WDFY2: variants seen among roughly 807,000 people sequenced by gnomAD.
WDFY2 encodes WD repeat and FYVE domain containing 2, also known as WD repeat and FYVE domain-containing protein 2.
In WDFY2, 36 loss-of-function variants were observed where a neutral mutation model predicts 56.4. The observed-to-expected ratio is 0.64, with a 90% CI of 0.49 to 0.84. The LOEUF (loss-of-function observed/expected upper bound fraction) is 0.84. WDFY2 is among the 40% of genes least tolerant of loss of function. The probability of loss-of-function intolerance (pLI) is 0.00; values close to 1 mark genes in which losing one functional copy is unlikely to be tolerated. For missense variants in WDFY2, 444 were observed against 512.2 expected, an observed-to-expected ratio of 0.87 and a Z score of 1.29; for synonymous variants, 176 against 183.7, an observed-to-expected ratio of 0.96 and a Z score of 0.34.
intron 7 of WDFY2, among the ~76,000 whole-genome samples, chr13:51,741,799 G>C (rs765972945): frequency 1.3e-5 from 2 of 152,178 alleles, no homozygotes; most frequent in Non-Finnish European, 2.9e-5. Context: ...TAAGACCCCA[G>C]CTGGTAGCTT....
chr13:51,661,497 T>G (rs1273348349), intron 2 of WDFY2, among the ~76,000 whole-genome samples: 1 of 152,240 alleles, frequency 6.6e-6, no homozygotes, highest in Non-Finnish European at 1.5e-5. Context: ...ACCTTCTGGC[T>G]TGCTGCAGTG....
intron 1 of WDFY2, among the ~76,000 whole-genome samples, chr13:51,648,244 C>G (rs1230480254): frequency 6.6e-6 from 1 of 152,152 alleles, no homozygotes; most frequent in Admixed American, 6.5e-5. Flanking sequence ...ATAGTTCCCT[C>G]CCATCATCTT....
At chr13:51,649,523 C>T (rs1955327933) in intron 1 of WDFY2, among the ~76,000 whole-genome samples, 2 of 151,614 alleles carry the variant, frequency 1.3e-5, no homozygotes, top group Admixed American at 6.6e-5. Flanking sequence ...GTGCTGCACC[C>T]GTTAACTCGT....
chr13:51,635,143 C>T (rs2138389181), intron 1 of WDFY2, among the ~76,000 whole-genome samples: 1 of 152,144 alleles, frequency 6.6e-6, no homozygotes. Context: ...AGGGTTTCAC[C>T]ATGTTGGCGA....
At chr13:51,708,956 C>A (rs1392916291) in intron 4 of WDFY2, among the ~76,000 whole-genome samples, 3 of 152,178 alleles carry the variant, frequency 2.0e-5, no homozygotes, top group Non-Finnish European at 4.4e-5. Flanking sequence ...AAGACCATAA[C>A]ACTCGTAAAT....
At chr13:51,591,940 T>A (rs1214985909) in intron 1 of WDFY2, 3 of 147,286 alleles carry the variant, frequency 2.0e-5, no homozygotes, top group African/African-American at 7.5e-5. Context: ...AGGAGATAAC[T>A]GTTCTAAAGC....
intron 1 of WDFY2, among the ~76,000 whole-genome samples, chr13:51,622,666 C>A (rs1002925848): frequency 3.9e-5 from 6 of 152,124 alleles, no homozygotes; most frequent in Non-Finnish European, 1.5e-5. Context: ...AACAGTATGC[C>A]TGGCATTATG....
At chr13:51,674,491 C>G (rs899379334) in intron 2 of WDFY2, among the ~76,000 whole-genome samples, 1 of 152,140 alleles carries the variant, frequency 6.6e-6, no homozygotes, top group African/African-American at 2.4e-5. Flanking sequence ...TCCTGCGGAA[C>G]AGGGAGAACC....
intron 1 of WDFY2, among the ~76,000 whole-genome samples, chr13:51,602,186 C>G (rs1188981160): frequency 6.6e-6 from 1 of 152,224 alleles, no homozygotes; most frequent in East Asian, 1.9e-4. Flanking sequence ...CAACAACAGA[C>G]TGCATGAATG....
At chr13:51,633,967 A>G (rs1162928416) in intron 1 of WDFY2, among the ~76,000 whole-genome samples, 1 of 152,158 alleles carries the variant, frequency 6.6e-6, no homozygotes, top group Non-Finnish European at 1.5e-5. Flanking sequence ...GACAGGAGAG[A>G]ATCGTTGTTA....
chr13:51,664,381 T>C (rs1003033966), intron 2 of WDFY2, among the ~76,000 whole-genome samples: 9 of 152,316 alleles, frequency 5.9e-5, no homozygotes, highest in East Asian at 1.9e-4. Flanking sequence ...AGTCTCAGCC[T>C]GGGCAGGGCC....
At chr13:51,645,586 G>A (rs949196968) in intron 1 of WDFY2, among the ~76,000 whole-genome samples, 8 of 152,168 alleles carry the variant, frequency 5.3e-5, no homozygotes, top group South Asian at 2.1e-4. Flanking sequence ...TTGTAGGCAC[G>A]TTTCCACTGT....
intron 1 of WDFY2, among the ~76,000 whole-genome samples, chr13:51,623,690 C>A (rs191512320): frequency 6.6e-6 from 1 of 152,174 alleles, no homozygotes; most frequent in Non-Finnish European, 1.5e-5. Context: ...CAGTGCACCA[C>A]GTGTCAGAAT....
Position 51,763,233 on chromosome 13 carries a change from G to A in WDFY2, c.*3464G>A, listed in dbSNP as rs888966697. Reference sequence around the variant, plus strand: ...TGGGAGGAGAGACTTTCAGCACCTTGAGACAGGGCGCTCTCTGGAACCAGC... The same window carrying A: ...TGGGAGGAGAGACTTTCAGCACCTTAAGACAGGGCGCTCTCTGGAACCAGC... On this transcript the variant is annotated 3_prime_UTR_variant, in exon 12 of 12. Transcript: ENST00000298125. 7 of 152,190 alleles carry A rather than the reference G, an allele frequency of 4.6e-5. No homozygotes were observed. The highest frequency in any genetic ancestry group is 1.3e-4 in the Admixed American group (2 of 15,280). 9.4% of individuals were successfully genotyped at this position (152,190 alleles called of 1,614,324 possible).
intron 3 of WDFY2, among the ~76,000 whole-genome samples, chr13:51,687,160 T>C (rs980635841): frequency 2.0e-5 from 3 of 150,970 alleles, no homozygotes; most frequent in African/African-American, 7.3e-5. Flanking sequence ...AGCTATTATG[T>C]AAATTAATAT....
chr13:51,725,400 A>G (rs756261711), intron 5 of WDFY2, among the ~76,000 whole-genome samples: 2 of 152,086 alleles, frequency 1.3e-5, no homozygotes, highest in African/African-American at 2.4e-5. Context: ...AATACATAAA[A>G]TTTTTGCTCA....
Position 51,766,174 on chromosome 13 carries a change from A to AG in WDFY2, c.*6405_*6406insG, listed in dbSNP as rs1953742330. ...TTGTACTCTTATGGATTTGTGTCTT[A>AG]CACCATTTGCCTTGCTTTTTAAATG... On this transcript the variant is annotated 3_prime_UTR_variant, in exon 12 of 12. Coordinates refer to ENST00000298125, the MANE Select transcript of WDFY2 (RefSeq NM_052950.4). The AG allele has an allele frequency of 6.6e-6, 1 of 152,228 alleles. No individual in the cohort carries two copies. The highest frequency in any genetic ancestry group is 1.5e-5 in the Non-Finnish European group (1 of 68,042). The allele number at this position is 152,228 out of a possible 1,614,324, so 9.4% of individuals were successfully genotyped here.
At chr13:51,621,333 C>T (rs1459856426) in intron 1 of WDFY2, among the ~76,000 whole-genome samples, 6 of 152,230 alleles carry the variant, frequency 3.9e-5, no homozygotes, top group South Asian at 4.1e-4. Context: ...GTTGAAACCC[C>T]GTCTCTACTG....
At chr13:51,632,376 C>T (rs993022475) in intron 1 of WDFY2, among the ~76,000 whole-genome samples, 2 of 151,900 alleles carry the variant, frequency 1.3e-5, no homozygotes, top group African/African-American at 4.8e-5. Flanking sequence ...TTTTTCTTTA[C>T]TTAAATATTA....
Sources: gnomAD v4.1 joint callset for allele counts (sites outside exome capture counted in the v4.1 genomes callset) on GRCh38, gnomAD v4.1.1 for gene constraint, MANE v1.5 for transcripts, NCBI Gene and HGNC (gene_info 2026-07-23, HGNC 2026-07-21) for gene names.